Variants in MARCHF3 observed in about 807,000 individuals in gnomAD.
MARCHF3 encodes the protein E3 ubiquitin-protein ligase MARCHF3.
A neutral mutation model predicts 24.2 loss-of-function variants in MARCHF3; 13 were observed. The ratio of observed to expected loss-of-function variants is 0.54; its 90% CI spans 0.35 to 0.85. The LOEUF is 0.85. Among genes scored for constraint, MARCHF3 ranks in the 40% least tolerant of loss-of-function variants. The pLI, the probability that MARCHF3 is intolerant of heterozygous loss-of-function variation, is 0.01. For missense variants in MARCHF3, 276 were observed against 325.0 expected (o/e 0.85, Z 1.16); for synonymous variants, 144 against 137.3 (o/e 1.05, Z -0.34).
At chr5:126,932,452 A>T (rs1446745679) in intron 1 of MARCHF3, among the ~76,000 whole-genome samples, 1 of 152,176 alleles carries the variant, frequency 6.6e-6, no homozygotes, top group African/African-American at 2.4e-5. Context: ...TCTCATCATT[A>T]TTAGAGTATT....
At chr5:126,916,729 A>ACACACACAGAGGCT (rs1748862137) in intron 2 of MARCHF3, among the ~76,000 whole-genome samples, 1 of 144,718 alleles carries the variant, frequency 6.9e-6, no homozygotes, top group Admixed American at 6.9e-5. Flanking sequence ...ACACACACAC[A>ACACACACAGAGGCT]CACAGAGGCT....
intron 1 of MARCHF3, among the ~76,000 whole-genome samples, chr5:127,005,232 G>A: frequency 6.6e-6 from 1 of 151,206 alleles, no homozygotes; most frequent in Non-Finnish European, 1.5e-5. Context: ...CATCACCCGG[G>A]TTCAAGCAAT....
intron 1 of MARCHF3, among the ~76,000 whole-genome samples, chr5:127,015,974 C>A (rs977931058): frequency 1.1e-4 from 17 of 152,150 alleles, no homozygotes; most frequent in Non-Finnish European, 2.2e-4. Flanking sequence ...TAGCCCTCTG[C>A]ATTATCAGAT....
intron 1 of MARCHF3, among the ~76,000 whole-genome samples, chr5:127,023,777 T>TAAAA (rs1246237451): frequency 6.2e-4 from 87 of 140,680 alleles, no homozygotes; most frequent in African/African-American, 1.7e-3. Flanking sequence ...AATAAATAAA[T>TAAAA]AAAAATAAAA....
intron 1 of MARCHF3, among the ~76,000 whole-genome samples, chr5:126,963,858 G>C (rs1263996166): frequency 1.3e-5 from 2 of 152,138 alleles, no homozygotes; most frequent in Non-Finnish European, 2.9e-5. Flanking sequence ...TGAAATCTCT[G>C]TCATTCTTTC....
At chr5:126,978,797 A>G (rs998958318) in intron 1 of MARCHF3, among the ~76,000 whole-genome samples, 1 of 152,134 alleles carries the variant, frequency 6.6e-6, no homozygotes, top group Non-Finnish European at 1.5e-5. Context: ...GTACTGTGTG[A>G]CCAGCCCAGT....
intron 1 of MARCHF3, among the ~76,000 whole-genome samples, chr5:126,947,389 A>G (rs1217154904): frequency 1.3e-5 from 2 of 152,234 alleles, no homozygotes; most frequent in African/African-American, 2.4e-5. Context: ...GCAAGAGCAA[A>G]AGAACAAAAG....
At chr5:126,989,304 CTAG>C (rs1398790849) in intron 1 of MARCHF3, among the ~76,000 whole-genome samples, 13 of 146,426 alleles carry the variant, frequency 8.9e-5, no homozygotes, top group South Asian at 6.6e-4. Flanking sequence ...ACTACTACTA[CTAG>C]TACTACTACT....
intron 1 of MARCHF3, among the ~76,000 whole-genome samples, chr5:126,924,589 G>C (rs1186142242): frequency 6.6e-6 from 1 of 152,176 alleles, no homozygotes; most frequent in East Asian, 1.9e-4. Context: ...ACTGACTTAA[G>C]AGTATCCTGA....
intron 1 of MARCHF3, among the ~76,000 whole-genome samples, chr5:126,920,467 T>C (rs1212629265): frequency 6.6e-6 from 1 of 151,946 alleles, no homozygotes; most frequent in African/African-American, 2.4e-5. Flanking sequence ...GAGCCAGGGG[T>C]GTATTGGCAG....
chr5:126,919,369 G>A (rs576504455), intron 1 of MARCHF3, among the ~76,000 whole-genome samples: 2 of 152,300 alleles, frequency 1.3e-5, no homozygotes, highest in African/African-American at 2.4e-5. Context: ...GCTCGACATG[G>A]CCTGGGCTCA....
intron 1 of MARCHF3, among the ~76,000 whole-genome samples, chr5:126,949,662 C>T (rs1750150210): frequency 6.6e-6 from 1 of 152,178 alleles, no homozygotes; most frequent in South Asian, 2.1e-4. Flanking sequence ...TTTCCCCTTA[C>T]TTCCTTCCTG....
intron 4 of MARCHF3, among the ~76,000 whole-genome samples, chr5:126,874,871 T>C (rs1294038302): frequency 1.3e-5 from 2 of 152,174 alleles, no homozygotes; most frequent in Non-Finnish European, 1.5e-5. Context: ...GTGAGCCTTG[T>C]TGGGACAGCG....
At chr5:127,024,449 C>G (rs2126866075) in intron 1 of MARCHF3, among the ~76,000 whole-genome samples, 1 of 152,270 alleles carries the variant, frequency 6.6e-6, no homozygotes. Context: ...AGGGAGAATA[C>G]AGCAGATAAG....
chr5:127,013,581 G>A lies in MARCHF3; in HGVS notation c.-57+16769C>T, dbSNP rs112617615. ...AGGAAAGGGATCCCTGCCAGGATCCGTAAGAGGGAAGTACGATGCAGACAA... is the reference window on the plus strand; with the variant it reads ...AGGAAAGGGATCCCTGCCAGGATCCATAAGAGGGAAGTACGATGCAGACAA... On this transcript the variant is annotated intron_variant, in intron 1 of 4. Transcript: ENST00000308660. Among the ~76,000 whole-genome samples, 432 of 152,208 alleles carry A rather than the reference G, an allele frequency of 2.8e-3. 3 individuals carry two copies. Among genetic ancestry groups the A allele is most frequent in the Middle Eastern group, 6.8e-3 (2 of 294 alleles).
intron 1 of MARCHF3, among the ~76,000 whole-genome samples, chr5:126,934,421 T>C (rs1251665705): frequency 1.3e-5 from 2 of 151,858 alleles, no homozygotes; most frequent in Middle Eastern, 3.2e-3. Flanking sequence ...TGCTATTTGA[T>C]GGTAGCCTCT....
chr5:126,989,324 ACT>A (rs1491233141), intron 1 of MARCHF3, among the ~76,000 whole-genome samples: 15 of 148,996 alleles, frequency 1.0e-4, no homozygotes, highest in East Asian at 5.9e-4. Flanking sequence ...TACTACTACT[ACT>A]ACTACTACTA....
chr5:126,937,831 A>T (rs1432720044), intron 1 of MARCHF3, among the ~76,000 whole-genome samples: 2 of 152,204 alleles, frequency 1.3e-5, no homozygotes. Flanking sequence ...TTCCCCCAAG[A>T]TTAGAGTTAA....
rs557028697 is a variant in MARCHF3, at chr5:126,879,756, T to C, written c.394-1362A>G. ...ATAATTTGACATTCCCATCTCACTG[T>C]TCCATGTAGTAAACAGAGGCCAAGG... On this transcript the variant is annotated intron_variant, in intron 3 of 4. Transcript: ENST00000308660. Among the ~76,000 whole-genome samples, 55 of 152,336 alleles carry C rather than the reference T, an allele frequency of 3.6e-4. 1 individual carries two copies. Among genetic ancestry groups the C allele is most frequent in the African/African-American group, 1.3e-3 (55 of 41,584 alleles).
Sources: allele counts gnomAD v4.1 joint callset (sites outside exome capture counted in the v4.1 genomes callset), GRCh38; gene constraint gnomAD v4.1.1; transcripts MANE v1.5; gene names NCBI Gene and HGNC (gene_info 2026-07-23, HGNC 2026-07-21).